The following TRIML1 variants were observed in gnomAD, a reference collection of about 807,000 sequenced individuals.
The protein encoded by TRIML1 is probable E3 ubiquitin-protein ligase TRIML1.
Under a neutral mutation model 32.3 loss-of-function variants are expected in TRIML1, and 34 were observed. That is an observed-to-expected ratio of 1.05 (90% confidence interval 0.80 to 1.40). TRIML1 has a LOEUF of 1.40. TRIML1 is among the 40% of genes most tolerant of loss of function. The pLI is 0.00. For synonymous variants in TRIML1, 244 were observed against 226.6 expected, an observed-to-expected ratio of 1.08 and a Z score of -0.69; for missense variants, 595 against 574.9, an observed-to-expected ratio of 1.03 and a Z score of -0.36.
upstream of TRIML1, among the ~76,000 whole-genome samples, chr4:188,137,918 TTTTTTC>T (rs975449308): frequency 2.7e-5 from 4 of 147,030 alleles, no homozygotes; most frequent in African/African-American, 7.4e-5. Flanking sequence ...TGGCCAAACT[TTTTTTC>T]TTTTTTTTTT....
At chr4:188,145,774 T>C (rs1735055216) in intron 5 of TRIML1, among the ~76,000 whole-genome samples, 1 of 151,958 alleles carries the variant, frequency 6.6e-6, no homozygotes, top group Admixed American at 6.6e-5. Context: ...CAAGATCGCG[T>C]CATTGCAGTC....
chr4:188,143,970 G>T (rs1734959102), intron 4 of TRIML1, 66 bp from the exon 5 acceptor site: 1 of 1,603,754 alleles, frequency 6.2e-7, no homozygotes, highest in Non-Finnish European at 8.5e-7. Context: ...GAAATGAGGT[G>T]GACTCTCCAG....
downstream of TRIML1, among the ~76,000 whole-genome samples, chr4:188,148,763 C>T (rs540879617): frequency 6.6e-5 from 10 of 151,932 alleles, no homozygotes; most frequent in South Asian, 2.1e-4. Flanking sequence ...CCATCATTCC[C>T]GGCTAGTTTT....
chr4:188,137,795 T>C (rs1734706709), upstream of TRIML1, among the ~76,000 whole-genome samples: 1 of 152,064 alleles, frequency 6.6e-6, no homozygotes, highest in African/African-American at 2.4e-5. Context: ...ATATTTTTAG[T>C]AGAGACGGAG....
chr4:188,141,418 G>A (rs192430071), intron 2 of TRIML1, among the ~76,000 whole-genome samples: 170 of 151,952 alleles, frequency 1.1e-3, no homozygotes, highest in African/African-American at 3.8e-3. Context: ...CACCTGTCTC[G>A]GTCTCCCAAA....
At chr4:188,149,968 A>T (rs559170102), downstream of TRIML1, among the ~76,000 whole-genome samples, 1 of 151,272 alleles carries the variant, frequency 6.6e-6, no homozygotes, top group East Asian at 2.0e-4. Context: ...CACCATGCCC[A>T]GCTAATTTTT....
chr4:188,137,668 A>C (rs1422058021), upstream of TRIML1, among the ~76,000 whole-genome samples: 2 of 150,576 alleles, frequency 1.3e-5, no homozygotes, highest in African/African-American at 4.9e-5. Flanking sequence ...GTAGAGACGG[A>C]GTTTCTCCAT....
intron 3 of TRIML1, 124 bp downstream of exon 3, chr4:188,142,606 C>A: frequency 1.4e-6 from 1 of 719,534 alleles, no homozygotes; most frequent in Non-Finnish European, 2.3e-6. Flanking sequence ...AGTAGTTTTC[C>A]TAAAGAATTG....
In TRIML1 at chr4:188,147,174, T is replaced by G. The variant is rs761258655; in HGVS notation, c.1209T>G (p.Pro403=). 2 of 1,614,060 alleles carry G rather than the reference T, an allele frequency of 1.2e-6. No homozygotes were observed. Among genetic ancestry groups the G allele is most frequent in the South Asian group, 2.2e-5 (2 of 91,084 alleles). Residue 403 remains proline, a synonymous_variant, in exon 6 of 6, where the codon CCT becomes CCG. Coordinates refer to ENST00000332517, the MANE Select transcript of TRIML1 (RefSeq NM_178556.5). ...SPLKGQHVRE[P]VCKVGVFLDY... ...TGAAAGGTCAGCACGTCAGAGAGCC[T>G]GTGTGTAAGGTTGGTGTCTTCCTGG...
At chr4:188,149,150 A>G (rs1735185725), downstream of TRIML1, among the ~76,000 whole-genome samples, 1 of 149,752 alleles carries the variant, frequency 6.7e-6, no homozygotes, top group South Asian at 2.1e-4. Context: ...TGATCTCCTG[A>G]CCTCGTGATC....
downstream of TRIML1, among the ~76,000 whole-genome samples, chr4:188,150,218 C>T (rs1020359767): frequency 1.2e-4 from 18 of 152,082 alleles, no homozygotes; most frequent in Admixed American, 2.6e-4. Context: ...CTCCTCCCCA[C>T]AGGGTTCAAG....
intron 5 of TRIML1, 78 bp downstream of exon 5, chr4:188,144,211 C>A: frequency 8.2e-7 from 1 of 1,219,914 alleles, no homozygotes; most frequent in Non-Finnish European, 1.2e-6. Flanking sequence ...GTCAGACATT[C>A]ACGATCTGAC....
At chr4:188,150,193 T>A (rs1366799906), downstream of TRIML1, among the ~76,000 whole-genome samples, 1 of 151,776 alleles carries the variant, frequency 6.6e-6, no homozygotes, top group African/African-American at 2.4e-5. Context: ...TGGCATGATC[T>A]CGGCTCACTG....
At chr4:188,143,956 G>C (rs1265684434) in intron 4 of TRIML1, 80 bp from the exon 5 acceptor site, 11 of 1,605,132 alleles carry the variant, frequency 6.9e-6, no homozygotes, top group Non-Finnish European at 9.4e-6. Context: ...CTGTTGCTGG[G>C]GGAGAAATGA....
chr4:188,144,763 T>C (rs1735008225), intron 5 of TRIML1, among the ~76,000 whole-genome samples: 2 of 152,184 alleles, frequency 1.3e-5, no homozygotes, highest in South Asian at 4.1e-4. Context: ...CATTTCTAGC[T>C]CTGATCCCGT....
upstream of TRIML1, among the ~76,000 whole-genome samples, chr4:188,137,344 C>T (rs1437697525): frequency 7.4e-6 from 1 of 134,640 alleles, no homozygotes; most frequent in Non-Finnish European, 1.6e-5. Context: ...TCTCTGTCTC[C>T]CAAGCTGGAG....
chr4:188,140,127 T>A (rs1320065819), intron 1 of TRIML1, among the ~76,000 whole-genome samples, 161 bp downstream of exon 1: 1 of 136,166 alleles, frequency 7.3e-6, no homozygotes, highest in Admixed American at 7.4e-5. Context: ...TTTTTTTCCC[T>A]TTTTTTGTTT....
intron 3 of TRIML1, 22 bp downstream of exon 3, chr4:188,142,504 G>C (rs1734902461): frequency 6.4e-7 from 1 of 1,568,214 alleles, no homozygotes; most frequent in African/African-American, 1.4e-5. Context: ...ATTCATGAGA[G>C]TAATGGGAAA....
At chr4:188,141,411 C>T (rs918122322) in intron 2 of TRIML1, among the ~76,000 whole-genome samples, 1 of 152,062 alleles carries the variant, frequency 6.6e-6, no homozygotes, top group Non-Finnish European at 1.5e-5. Context: ...GGTAATCCAC[C>T]TGTCTCGGTC....
Sources: gnomAD v4.1 joint callset for allele counts (sites outside exome capture counted in the v4.1 genomes callset) on GRCh38, gnomAD v4.1.1 for gene constraint, MANE v1.5 for transcripts, NCBI Gene and HGNC (gene_info 2026-07-23, HGNC 2026-07-21) for gene names.